Variants in CAMTA1 observed in about 807,000 individuals in gnomAD.
CAMTA1 encodes the protein calmodulin binding transcription activator 1, also known as calmodulin-binding transcription activator 1.
CAMTA1 carries 27 observed loss-of-function variants against 170.9 expected under a neutral mutation model. The ratio of observed to expected loss-of-function variants is 0.16; its 90% CI spans 0.12 to 0.22. The LOEUF (loss-of-function observed/expected upper bound fraction) is 0.22. Ranked by LOEUF, CAMTA1 falls within the 10% of genes least tolerant of loss-of-function variation. The pLI is 1.00. For synonymous variants in CAMTA1, 833 were observed against 891.5 expected (o/e 0.93, Z 1.17); for missense variants, 1,619 against 2,217.2 (o/e 0.73, Z 5.42).
chr1:7,538,380 G>A (rs1358062131), intron 6 of CAMTA1, among the ~76,000 whole-genome samples: 1 of 152,140 alleles, frequency 6.6e-6, no homozygotes, highest in Admixed American at 6.5e-5. Context: ...AAATACCCAG[G>A]CTGGGTGCAG....
At chr1:7,444,354 C>T (rs1575365603) in intron 5 of CAMTA1, among the ~76,000 whole-genome samples, 1 of 152,216 alleles carries the variant, frequency 6.6e-6, no homozygotes, top group African/African-American at 2.4e-5. Context: ...GAGCATCTGC[C>T]TCTCCAGCCA....
chr1:7,009,224 A>G lies in CAMTA1; in HGVS notation c.235-82080A>G, dbSNP rs533244569. Among the ~76,000 whole-genome samples the G allele has an allele frequency of 4.4e-4, 67 of 152,210 alleles. 1 individual carries two copies. The highest frequency in any genetic ancestry group is 7.5e-4 in the Non-Finnish European group (51 of 68,038). On this transcript the variant is annotated intron_variant, in intron 3 of 22. Coordinates refer to ENST00000303635, the MANE Select transcript of CAMTA1 (RefSeq NM_015215.4). ...GGAACTCCTGGGGCTGTCAGCTCCA[A>G]TGTGGCAGAGTTGTGAGTGCTGGAG...
chr1:7,730,777 T>C (rs1448015491), intron 11 of CAMTA1, among the ~76,000 whole-genome samples: 1 of 152,134 alleles, frequency 6.6e-6, no homozygotes, highest in Admixed American at 6.5e-5. Flanking sequence ...CATGTGCCTG[T>C]AGTCCCAGCT....
At chr1:6,978,275 C>T (rs920208529) in intron 3 of CAMTA1, among the ~76,000 whole-genome samples, 4 of 152,166 alleles carry the variant, frequency 2.6e-5, no homozygotes, top group African/African-American at 9.7e-5. Flanking sequence ...ATGGATTCCT[C>T]ATTCTCCGTG....
chr1:6,868,131 T>TTTTTTTTTTTTTTTTTGAGACGGA (rs1667231410), intron 3 of CAMTA1, among the ~76,000 whole-genome samples: 1 of 151,984 alleles, frequency 6.6e-6, no homozygotes, highest in Admixed American at 6.6e-5. Context: ...TTTTAATTGT[T>TTTTTTTTTTTTTTTTTGAGACGGA]GAATATACTT....
chr1:7,081,423 A>G (rs1422623680), intron 3 of CAMTA1, among the ~76,000 whole-genome samples: 4 of 152,216 alleles, frequency 2.6e-5, no homozygotes, highest in Non-Finnish European at 4.4e-5. Context: ...ATAATAATAA[A>G]CTGACGACTG....
At chr1:7,255,970 C>T (rs972576892) in intron 5 of CAMTA1, among the ~76,000 whole-genome samples, 5 of 152,188 alleles carry the variant, frequency 3.3e-5, no homozygotes, top group Admixed American at 1.3e-4. Flanking sequence ...GTCTCATGAC[C>T]GTTTCTAGTA....
At chr1:7,546,177 C>T (rs930355009) in intron 6 of CAMTA1, among the ~76,000 whole-genome samples, 8 of 152,146 alleles carry the variant, frequency 5.3e-5, no homozygotes, top group South Asian at 2.1e-4. Flanking sequence ...AGGATAGTCT[C>T]GATCTCCTGA....
At chr1:7,506,313 C>T (rs988366493) in intron 6 of CAMTA1, among the ~76,000 whole-genome samples, 4 of 152,140 alleles carry the variant, frequency 2.6e-5, no homozygotes, top group East Asian at 3.9e-4. Context: ...GAAGTGAGCC[C>T]AGCCCAGCCC....
rs1362802124 is a variant in CAMTA1, at chr1:7,443,884, C to T, written c.439-23946C>T. ...AGCAGGCCAGAGGGAGGAGGCACAG[C>T]CTCTCACCCATGCCTCTGCCTGGAC... is the stretch of plus-strand genomic sequence containing the variant. On this transcript the variant is annotated intron_variant, in intron 5 of 22. Coordinates refer to ENST00000303635, the MANE Select transcript of CAMTA1 (RefSeq NM_015215.4). The surrounding 1 kb of genome is among the most constrained non-coding windows in gnomAD (Gnocchi z 4.1). Among the ~76,000 whole-genome samples, 1 of 152,172 alleles carries T rather than the reference C, an allele frequency of 6.6e-6. No homozygotes were observed. Among genetic ancestry groups the T allele is most frequent in the African/African-American group, 2.4e-5 (1 of 41,446 alleles).
intron 6 of CAMTA1, among the ~76,000 whole-genome samples, chr1:7,579,124 T>C (rs1229920542): frequency 6.6e-6 from 1 of 152,246 alleles, no homozygotes; most frequent in Non-Finnish European, 1.5e-5. Flanking sequence ...AGACGGGCAG[T>C]GGCTGAGGCC....
intron 3 of CAMTA1, among the ~76,000 whole-genome samples, chr1:6,832,423 C>T (rs1650693538): frequency 6.6e-6 from 1 of 152,238 alleles, no homozygotes; most frequent in East Asian, 1.9e-4. Context: ...GGTGTCGATA[C>T]ATAATCTTGA....
rs1232710690 is a variant in CAMTA1, at chr1:7,674,123, G to T, written c.2779+3086G>T. On this transcript the variant is annotated intron_variant, in intron 10 of 22. Coordinates refer to ENST00000303635, the MANE Select transcript of CAMTA1 (RefSeq NM_015215.4). The surrounding 1 kb of genome is among the most constrained non-coding windows in gnomAD (Gnocchi z 4.1). Reference sequence around the variant, plus strand: ...TATGAGCACAAGCCAGGAACGACACGGGAGGAGGGGGCACTGGCAACACAG... The same window carrying T: ...TATGAGCACAAGCCAGGAACGACACTGGAGGAGGGGGCACTGGCAACACAG... Among the ~76,000 whole-genome samples the T allele has an allele frequency of 6.6e-6, 1 of 152,130 alleles. No homozygotes were observed. The highest frequency in any genetic ancestry group is 2.4e-5 in the African/African-American group (1 of 41,446).
intron 11 of CAMTA1, among the ~76,000 whole-genome samples, chr1:7,701,354 C>A (rs1202024061): frequency 1.3e-5 from 2 of 152,188 alleles, no homozygotes. Context: ...GATCCACCCC[C>A]TGGGTTCATC....
chr1:6,804,342 A>G (rs1010393867), intron 1 of CAMTA1, among the ~76,000 whole-genome samples: 58 of 152,092 alleles, frequency 3.8e-4, no homozygotes, highest in African/African-American at 1.4e-3. Flanking sequence ...ATAATAGCTT[A>G]AGATGTAATT....
chr1:7,272,692 CAAAAAAAAAAAA>C (rs371588178), intron 5 of CAMTA1, among the ~76,000 whole-genome samples: 2 of 38,810 alleles, frequency 5.2e-5, no homozygotes, highest in South Asian at 1.8e-3. Flanking sequence ...TAAACACATG[CAAAAAAAAAAAA>C]AAAAAAAAAA....
At chr1:7,440,783 A>G (rs2092503360) in intron 5 of CAMTA1, among the ~76,000 whole-genome samples, 1 of 152,182 alleles carries the variant, frequency 6.6e-6, no homozygotes, top group African/African-American at 2.4e-5. Context: ...TTGCGGGCCA[A>G]GCGACATCAG....
At chr1:6,824,024 C>T (rs1450253530) in intron 2 of CAMTA1, among the ~76,000 whole-genome samples, 1 of 152,120 alleles carries the variant, frequency 6.6e-6, no homozygotes, top group Non-Finnish European at 1.5e-5. Context: ...CAGAACTGGG[C>T]CAGATCTTGG....
intron 3 of CAMTA1, among the ~76,000 whole-genome samples, chr1:7,048,410 C>T (rs1477124844): frequency 6.6e-6 from 1 of 152,046 alleles, no homozygotes; most frequent in Non-Finnish European, 1.5e-5. Context: ...AAACAAAGTA[C>T]AATTAAAAGT....
Sources: gnomAD v4.1 joint callset for allele counts (sites outside exome capture counted in the v4.1 genomes callset) on GRCh38, gnomAD v4.1.1 for gene constraint, Gnocchi (gnomAD v3.1) non-coding constraint, MANE v1.5 for transcripts, NCBI Gene and HGNC (gene_info 2026-07-23, HGNC 2026-07-21) for gene names.